ITIH2: variants seen among roughly 807,000 people sequenced by gnomAD.
ITIH2 encodes inter-alpha-trypsin inhibitor heavy chain 2, also known as inter-alpha-trypsin inhibitor heavy chain H2.
ITIH2 carries 103 observed loss-of-function variants against 104.4 expected under a neutral mutation model. That is an observed-to-expected ratio of 0.99 (90% CI 0.84 to 1.16). The LOEUF is 1.16. Ranked by LOEUF, ITIH2 falls within the 50% of genes most tolerant of loss-of-function variation. ITIH2 has a pLI of 0.00. For missense variants in ITIH2, 1,108 were observed against 1,162.4 expected, an observed-to-expected ratio of 0.95 and a Z score of 0.68; for synonymous variants, 436 against 435.4, an observed-to-expected ratio of 1.00 and a Z score of -0.02.
At chr10:7,704,937 G>A (rs1834731613) in intron 1 of ITIH2, among the ~76,000 whole-genome samples, 171 bp from the exon 2 acceptor site, 1 of 151,330 alleles carries the variant, frequency 6.6e-6, no homozygotes, top group Admixed American at 6.6e-5. Flanking sequence ...GGGGGGCTAG[G>A]GGAGGGATAG....
At chr10:7,742,691 C>A (rs1406987133) in intron 16 of ITIH2, among the ~76,000 whole-genome samples, 3 of 152,138 alleles carry the variant, frequency 2.0e-5, no homozygotes, top group Non-Finnish European at 2.9e-5. Context: ...CTGCAGTGAG[C>A]CATGATTGCA....
At chr10:7,719,650 A>G (rs1438840162) in intron 6 of ITIH2, among the ~76,000 whole-genome samples, 1 of 150,534 alleles carries the variant, frequency 6.6e-6, no homozygotes, top group Non-Finnish European at 1.5e-5. Flanking sequence ...AGTCCCACCC[A>G]CTTGGGAGGC....
chr10:7,707,718 C>G (rs916527634), intron 3 of ITIH2, among the ~76,000 whole-genome samples: 2 of 152,150 alleles, frequency 1.3e-5, no homozygotes, highest in Admixed American at 1.3e-4. Flanking sequence ...GCATATGTCT[C>G]CTCGCCCAGC....
At chr10:7,727,611 T>C (rs1271565982) in intron 10 of ITIH2, 92 bp from the exon 11 acceptor site, 5 of 1,423,844 alleles carry the variant, frequency 3.5e-6, no homozygotes, top group East Asian at 2.3e-5. Flanking sequence ...GATGGATAAG[T>C]GATCAGCCGA....
intron 8 of ITIH2, among the ~76,000 whole-genome samples, chr10:7,722,266 T>G (rs1348145203): frequency 6.6e-6 from 1 of 152,046 alleles, no homozygotes; most frequent in East Asian, 1.9e-4. Context: ...AGGTGAGGAC[T>G]CTTAGAACGT....
At chr10:7,731,685 A>T in intron 12 of ITIH2, 126 bp from the exon 13 acceptor site, 1 of 617,498 alleles carries the variant, frequency 1.6e-6, no homozygotes, top group Non-Finnish European at 2.6e-6. Context: ...AGATCCCACC[A>T]CTGCACTCCA....
chr10:7,729,304 C>G (rs1210880062), intron 11 of ITIH2, among the ~76,000 whole-genome samples: 1 of 151,750 alleles, frequency 6.6e-6, no homozygotes, highest in Non-Finnish European at 1.5e-5. Context: ...CAAAGTGAGA[C>G]TCTGTCTCAA....
intron 16 of ITIH2, among the ~76,000 whole-genome samples, chr10:7,742,674 G>A (rs1410356201): frequency 6.6e-6 from 1 of 152,098 alleles, no homozygotes; most frequent in Non-Finnish European, 1.5e-5. Flanking sequence ...AGCCTTGGAG[G>A]TCAAGGCTGC....
chr10:7,733,680 C>A (rs1308635979), intron 14 of ITIH2, among the ~76,000 whole-genome samples: 1 of 152,172 alleles, frequency 6.6e-6, no homozygotes, highest in Admixed American at 6.6e-5. Context: ...AACATGAAAA[C>A]TATATCCCCA....
chr10:7,721,053 C>A, intron 7 of ITIH2, 90 bp downstream of exon 7: 1 of 855,890 alleles, frequency 1.2e-6, no homozygotes, highest in Admixed American at 1.9e-5. Flanking sequence ...AAGAGAAAAG[C>A]AGGCTGGTGT....
At chr10:7,718,303 C>T (rs1459944187) in intron 6 of ITIH2, among the ~76,000 whole-genome samples, 4 of 152,136 alleles carry the variant, frequency 2.6e-5, no homozygotes, top group Non-Finnish European at 5.9e-5. Context: ...ATTTGGGGTC[C>T]ACCAGGTAGT....
intron 15 of ITIH2, among the ~76,000 whole-genome samples, chr10:7,737,542 T>C (rs1320771705): frequency 1.5e-5 from 2 of 134,798 alleles, no homozygotes; most frequent in Admixed American, 8.1e-5. Context: ...CTATATAATA[T>C]ATATTATGTA....
At chr10:7,727,178 C>T in intron 10 of ITIH2, 60 bp downstream of exon 10, 1 of 1,400,722 alleles carries the variant, frequency 7.1e-7, no homozygotes, top group Non-Finnish European at 9.9e-7. Flanking sequence ...TCATGATTCA[C>T]TTAAGAAGCA....
Position 7,734,022 on chromosome 10 carries a change from C to T in ITIH2, c.1788-900C>T, listed in dbSNP as rs78978762. Among the ~76,000 whole-genome samples, 48 of 151,804 alleles carry T rather than the reference C, an allele frequency of 3.2e-4. No individual in the cohort carries two copies. The East Asian group carries it at 9.1e-3, about 29-fold the overall frequency. ...TTAAATATTGATTTTAAAACAATTC[C>T]TATAAAAAGATCAGCAGTTGCTAAA... On this transcript the variant is annotated intron_variant, in intron 14 of 20. Transcript: ENST00000358415.
Position 7,705,089 on chromosome 10 carries a change from A to C in ITIH2, c.85-19A>C. 1 of 1,556,206 alleles carries C rather than the reference A, an allele frequency of 6.4e-7. No homozygotes were observed. Among genetic ancestry groups the C allele is most frequent in the Non-Finnish European group, 8.7e-7 (1 of 1,144,812 alleles). ...GTATAATTAAAAAAAAAAAAGTTAA[A>C]ATCCTAATTTTTTTTAAGTTTGTAG... On this transcript the variant is annotated intron_variant, in intron 1 of 20. Coordinates refer to ENST00000358415, the MANE Select transcript of ITIH2 (RefSeq NM_002216.3).
chr10:7,707,615 G>T (rs1029933027), intron 3 of ITIH2, among the ~76,000 whole-genome samples: 3 of 151,892 alleles, frequency 2.0e-5, no homozygotes, highest in Non-Finnish European at 4.4e-5. Flanking sequence ...GCCCAGGCTG[G>T]AGTGCAATGG....
At chr10:7,716,024 G>A (rs1207835827) in intron 5 of ITIH2, among the ~76,000 whole-genome samples, 3 of 151,116 alleles carry the variant, frequency 2.0e-5, no homozygotes, top group South Asian at 4.2e-4. Context: ...CACCACGCCC[G>A]GCTAATTTTT....
rs1471241434 is a variant in ITIH2, at chr10:7,746,580, T to A, written c.2582-13T>A. 1 of 1,542,648 alleles carries A rather than the reference T, an allele frequency of 6.5e-7. No homozygotes were observed. Among genetic ancestry groups the A allele is most frequent in the East Asian group, 2.2e-5 (1 of 44,538 alleles). On this transcript the variant is annotated splice_polypyrimidine_tract_variant and intron_variant, in intron 19 of 20. Transcript: ENST00000358415. Reference sequence around the variant, plus strand: ...GATTACATGTCAATCAATGTCTGATTCTGTTTTGCTAGGCCAGTTCATGCA... The same window carrying A: ...GATTACATGTCAATCAATGTCTGATACTGTTTTGCTAGGCCAGTTCATGCA...
At chr10:7,733,894 G>A (rs922968739) in intron 14 of ITIH2, among the ~76,000 whole-genome samples, 2 of 151,920 alleles carry the variant, frequency 1.3e-5, no homozygotes, top group Middle Eastern at 3.2e-3. Flanking sequence ...GAAGAAATAC[G>A]CAAGGCTGTA....
Sources: gnomAD v4.1 joint callset for allele counts (sites outside exome capture counted in the v4.1 genomes callset) on GRCh38, gnomAD v4.1.1 for gene constraint, MANE v1.5 for transcripts, NCBI Gene and HGNC (gene_info 2026-07-23, HGNC 2026-07-21) for gene names.